NPHP4: variants seen among roughly 807,000 people sequenced by gnomAD.
The protein encoded by NPHP4 is nephrocystin 4, also known as nephrocystin-4.
A neutral mutation model predicts 155.8 loss-of-function variants in NPHP4; 151 were observed. The ratio of observed to expected loss-of-function variants is 0.97; its 90% CI spans 0.85 to 1.11. The LOEUF is 1.11. Among genes scored for constraint, NPHP4 ranks in the 50% least tolerant of loss-of-function variants. NPHP4 has a pLI of 0.00. For synonymous variants in NPHP4, 845 were observed against 816.8 expected, an observed-to-expected ratio of 1.03 and a Z score of -0.59; for missense variants, 1,956 against 1,925.7, an observed-to-expected ratio of 1.02 and a Z score of -0.29.
intron 6 of NPHP4, among the ~76,000 whole-genome samples, chr1:5,959,854 G>A (rs181705675): frequency 6.6e-6 from 1 of 152,260 alleles, no homozygotes; most frequent in Non-Finnish European, 1.5e-5. Flanking sequence ...TATCAACCGG[G>A]TGACATCTGA....
At chr1:5,972,270 G>T (rs1652704996) in intron 3 of NPHP4, among the ~76,000 whole-genome samples, 1 of 152,214 alleles carries the variant, frequency 6.6e-6, no homozygotes, top group African/African-American at 2.4e-5. Flanking sequence ...GAGACTTCAT[G>T]CAGTTCCTAC....
At chr1:5,989,654 T>A (rs1388379944) in intron 1 of NPHP4, among the ~76,000 whole-genome samples, 1 of 152,196 alleles carries the variant, frequency 6.6e-6, no homozygotes, top group Non-Finnish European at 1.5e-5. Context: ...AGAAATGTAT[T>A]CACACACAAT....
At chr1:5,947,275 C>T (rs1470889800) in intron 8 of NPHP4, 45 bp from the exon 9 acceptor site, 1 of 1,604,190 alleles carries the variant, frequency 6.2e-7, no homozygotes, top group South Asian at 1.1e-5. Flanking sequence ...GCTCGAGCTC[C>T]CATCCTTCCC....
intron 9 of NPHP4, among the ~76,000 whole-genome samples, chr1:5,941,433 A>C (rs926551581): frequency 2.0e-5 from 3 of 152,152 alleles, no homozygotes; most frequent in Non-Finnish European, 4.4e-5. Flanking sequence ...GAACTTATAT[A>C]TCTGACTACA....
Position 5,927,766 on chromosome 1 carries a change from T to TTCCAGTTCCAGAACTGGAGTCGGAGTGA in NPHP4, c.1323_1324insTCACTCCGACTCCAGTTCTGGAACTGGA (p.Thr442SerfsTer182). The TTCCAGTTCCAGAACTGGAGTCGGAGTGA allele has an allele frequency of 2.5e-6, 4 of 1,611,828 alleles. No individual in the cohort carries two copies. Among genetic ancestry groups the TTCCAGTTCCAGAACTGGAGTCGGAGTGA allele is most frequent in the Non-Finnish European group, 3.4e-6 (4 of 1,178,156 alleles). On this transcript the variant is annotated frameshift_variant, in exon 11 of 30. Coordinates refer to ENST00000378156, the MANE Select transcript of NPHP4 (RefSeq NM_015102.5). LOFTEE classifies it high-confidence loss of function. Reference sequence around the variant, plus strand: ...CCCAGCGAGAACTGGAACCGGAGTGTACCCGACTCCACCTGCTTCACCTGC... The same window carrying TTCCAGTTCCAGAACTGGAGTCGGAGTGA: ...CCCAGCGAGAACTGGAACCGGAGTGTTCCAGTTCCAGAACTGGAGTCGGAGTGAACCCGACTCCACCTGCTTCACCTGC...
chr1:5,941,914 G>A (rs1286812965), intron 9 of NPHP4, among the ~76,000 whole-genome samples: 1 of 152,194 alleles, frequency 6.6e-6, no homozygotes, highest in Non-Finnish European at 1.5e-5. Flanking sequence ...AAGCTGGGCT[G>A]GGGCTCCTCC....
At chr1:5,937,266 C>T (rs571329472) in intron 9 of NPHP4, among the ~76,000 whole-genome samples, 1 of 152,262 alleles carries the variant, frequency 6.6e-6, no homozygotes, top group South Asian at 2.1e-4. Context: ...CTTAGCCCTA[C>T]CACACCTGGG....
chr1:5,935,579 A>T (rs918443535), intron 9 of NPHP4, among the ~76,000 whole-genome samples: 1 of 152,232 alleles, frequency 6.6e-6, no homozygotes, highest in Non-Finnish European at 1.5e-5. Flanking sequence ...ACTGCTTTTT[A>T]AAAATCAAAT....
Position 5,867,504 on chromosome 1 carries a change from G to A in NPHP4, c.3472+236C>T. 1.7e-6 allele frequency: 1 copy of A among 585,832 alleles called. No homozygotes were observed. The highest frequency in any genetic ancestry group is 3.0e-6 in the Non-Finnish European group (1 of 330,344). 36.3% of individuals were successfully genotyped at this position (585,832 alleles called of 1,614,324 possible). ...CACCTGGACCTGGGCCGCGGGAGCT[G>A]GGATTTTTTAGAAGGGCAGACTCAG... On this transcript the variant is annotated intron_variant, in intron 24 of 29. Coordinates refer to ENST00000378156, the MANE Select transcript of NPHP4 (RefSeq NM_015102.5). The surrounding 1 kb of genome is among the most constrained non-coding windows in gnomAD (Gnocchi z 4.1).
chr1:5,972,646 A>G (rs1022149813), intron 3 of NPHP4, among the ~76,000 whole-genome samples: 3 of 152,212 alleles, frequency 2.0e-5, no homozygotes, highest in African/African-American at 7.2e-5. Context: ...TAAATACTCC[A>G]GCAGCACTTA....
chr1:5,951,206 G>A (rs982041751), intron 7 of NPHP4, among the ~76,000 whole-genome samples: 4 of 152,228 alleles, frequency 2.6e-5, no homozygotes, highest in Non-Finnish European at 2.9e-5. Flanking sequence ...GCCTCTGTGG[G>A]TGCCGGGCCC....
At position 5,867,316 on chromosome 1, in the gene NPHP4, C is replaced by A; in HGVS notation, c.3473-201G>T. On this transcript the variant is annotated intron_variant, in intron 24 of 29. Transcript: ENST00000378156. The surrounding 1 kb of genome is among the most constrained non-coding windows in gnomAD (Gnocchi z 4.1). Reference sequence around the variant, plus strand: ...CCCTGCATGGACACCGCCCATCCAGCCCACTGCGGCTCGGCTGCAGCCATC... The same window carrying A: ...CCCTGCATGGACACCGCCCATCCAGACCACTGCGGCTCGGCTGCAGCCATC... The A allele has an allele frequency of 5.2e-6, 3 of 576,414 alleles. 1 individual carries two copies. The highest frequency in any genetic ancestry group is 6.2e-6 in the Non-Finnish European group (2 of 324,668). The allele number at this position is 576,414 out of a possible 1,614,324, so 35.7% of individuals were successfully genotyped here.
chr1:5,890,258 G>C lies in NPHP4; in HGVS notation c.2304+610C>G, dbSNP rs539815385. Among the ~76,000 whole-genome samples, 1 of 152,250 alleles carries C rather than the reference G, an allele frequency of 6.6e-6. No homozygotes were observed. Among genetic ancestry groups the C allele is most frequent in the Non-Finnish European group, 1.5e-5 (1 of 68,026 alleles). On this transcript the variant is annotated intron_variant, in intron 17 of 29. Coordinates refer to ENST00000378156, the MANE Select transcript of NPHP4 (RefSeq NM_015102.5). This position sits in a 1 kb window ranked among gnomAD's most constrained non-coding sequence, Gnocchi z 4.9. ...CCTGAGAGAAGTCTCAGGACACCAT[G>C]GTAGCGTGTGAAACTGGCCCCAGTC...
intron 3 of NPHP4, among the ~76,000 whole-genome samples, chr1:5,970,556 C>G (rs1316275135): frequency 6.6e-6 from 1 of 152,096 alleles, no homozygotes; most frequent in Non-Finnish European, 1.5e-5. Flanking sequence ...GATGAAGACA[C>G]TGACTGAGTT....
chr1:5,967,161 T>C (rs1197985069), intron 5 of NPHP4, 138 bp downstream of exon 5: 2 of 691,642 alleles, frequency 2.9e-6, no homozygotes, highest in Non-Finnish European at 4.9e-6. Context: ...ACGAAACATC[T>C]GCCAAAACCT....
rs544912967 is a variant in NPHP4 at position 5,928,805 on chromosome 1, C to T, written c.1303-1018G>A. 1.8e-4 allele frequency among the ~76,000 whole-genome samples: 27 copies of T among 152,198 alleles called. 1 individual carries two copies. The South Asian group carries it at 5.4e-3, about 30-fold the overall frequency. On this transcript the variant is annotated intron_variant, in intron 10 of 29. Transcript: ENST00000378156. ...AATTTCAGAATCAGCTTGTCTATAT[C>T]GCCAAAAAAATCCTGCTGAGATTTT...
chr1:5,942,863 G>A (rs1435898395), intron 9 of NPHP4, among the ~76,000 whole-genome samples: 3 of 152,186 alleles, frequency 2.0e-5, no homozygotes, highest in Non-Finnish European at 4.4e-5. Flanking sequence ...GAAAAGGACT[G>A]TATTCACCCC....
Position 5,964,910 on chromosome 1 carries a change from A to G in NPHP4, c.517+2389T>C, listed in dbSNP as rs1425480231. ...ATACTATATATAAAATATATAATAC[A>G]TATATATTATATATATATATATATA... On this transcript the variant is annotated intron_variant, in intron 5 of 29. Transcript: ENST00000378156. 2.2e-4 allele frequency among the ~76,000 whole-genome samples: 24 copies of G among 110,810 alleles called. 3 individuals are homozygous for G. Among genetic ancestry groups the G allele is most frequent in the Non-Finnish European group, 3.0e-4 (17 of 56,612 alleles). The allele number at this position is 110,810 out of a possible 152,430, so 72.7% of individuals were successfully genotyped here.
Position 5,863,418 on chromosome 1 carries a change from A to T in NPHP4, c.4141-13T>A. On this transcript the variant is annotated splice_polypyrimidine_tract_variant and intron_variant, in intron 29 of 29. Coordinates refer to ENST00000378156, the MANE Select transcript of NPHP4 (RefSeq NM_015102.5). Reference sequence around the variant, plus strand: ...CTCCACCCCCGACCTGGAAATAAGCATCCAAATCCCAGCATCCACCCCCGG... The same window carrying T: ...CTCCACCCCCGACCTGGAAATAAGCTTCCAAATCCCAGCATCCACCCCCGG... 6.2e-7 allele frequency: 1 copy of T among 1,611,532 alleles called. No homozygotes were observed. Among genetic ancestry groups the T allele is most frequent in the Non-Finnish European group, 8.5e-7 (1 of 1,177,804 alleles).
Sources: allele counts gnomAD v4.1 joint callset (sites outside exome capture counted in the v4.1 genomes callset), GRCh38; gene constraint gnomAD v4.1.1; non-coding constraint Gnocchi (gnomAD v3.1); transcripts MANE v1.5; gene names NCBI Gene and HGNC (gene_info 2026-07-23, HGNC 2026-07-21).